Variants in SRA1 observed in about 807,000 individuals in gnomAD.
SRA1 encodes the protein steroid receptor RNA activator 1, also known as lncRNA SRA.
In SRA1, 25 loss-of-function variants were observed where a neutral mutation model predicts 24.3. That is an observed-to-expected ratio of 1.03 (90% CI 0.75 to 1.43). The LOEUF (loss-of-function observed/expected upper bound fraction) is 1.43, where lower values mean the gene tolerates loss of function less well. Ranked by LOEUF, SRA1 falls within the 40% of genes most tolerant of loss-of-function variation. The pLI is 0.00. For synonymous variants in SRA1, 104 were observed against 109.5 expected (o/e 0.95, Z 0.31); for missense variants, 303 against 286.6 (o/e 1.06, Z -0.41).
chr5:140,552,470 T>A (rs977563957), intron 2 of SRA1, among the ~76,000 whole-genome samples: 1 of 151,920 alleles, frequency 6.6e-6, no homozygotes, highest in Non-Finnish European at 1.5e-5. Flanking sequence ...CTGGCCAACA[T>A]GGCAAAACCC....
intron 2 of SRA1, among the ~76,000 whole-genome samples, chr5:140,554,507 A>G (rs1754640573): frequency 6.6e-6 from 1 of 152,112 alleles, no homozygotes; most frequent in African/African-American, 2.4e-5. Context: ...AATAGATGAA[A>G]AGGTTCCTGC....
intron 3 of SRA1, chr5:140,551,572 T>G (rs979467319): frequency 4.8e-6 from 1 of 207,980 alleles, no homozygotes; most frequent in Non-Finnish European, 9.6e-6. Flanking sequence ...TTTCCCTTTC[T>G]TTTAAGACAT....
Position 140,550,641 on chromosome 5 carries a change from G to C in SRA1, c.*59C>G, listed in dbSNP as rs560592761. 1.3e-6 allele frequency: 2 copies of C among 1,548,126 alleles called. No homozygotes were observed. The highest frequency in any genetic ancestry group is 1.8e-6 in the Non-Finnish European group (2 of 1,121,042). On this transcript the variant is annotated 3_prime_UTR_variant, in exon 5 of 5. Transcript: ENST00000336283. ...TTGGTGGTGGTAAGAAGGGAGCCAAGTGACAGAAGGTCTCCAAGGCATAGG... is the reference window on the plus strand; with the variant it reads ...TTGGTGGTGGTAAGAAGGGAGCCAACTGACAGAAGGTCTCCAAGGCATAGG...
chr5:140,557,280 G>A lies in SRA1; in HGVS notation c.26-8C>T. 6.2e-7 allele frequency: 1 copy of A among 1,610,342 alleles called. No individual in the cohort carries two copies. Among genetic ancestry groups the A allele is most frequent in the Non-Finnish European group, 8.5e-7 (1 of 1,179,918 alleles). On this transcript the variant is annotated splice_polypyrimidine_tract_variant and splice_region_variant and intron_variant, in intron 1 of 4. Coordinates refer to ENST00000336283, the MANE Select transcript of SRA1 (RefSeq NM_001035235.4). ...AGCCGCGTTCCTTGTTGCCTGCGGA[G>A]GCGAGGGATGTGTGAAGCGAGCCCG...
At chr5:140,554,547 C>T (rs943244391) in intron 2 of SRA1, among the ~76,000 whole-genome samples, 4 of 152,112 alleles carry the variant, frequency 2.6e-5, no homozygotes, top group Non-Finnish European at 5.9e-5. Context: ...ACCAGCTGTA[C>T]TCTGCATCCT....
At position 140,552,187 on chromosome 5, in the gene SRA1, G is replaced by T. The variant is rs767184789; in HGVS notation, c.152-3C>A. The T allele has an allele frequency of 6.5e-7, 1 of 1,546,634 alleles. No homozygotes were observed. The highest frequency in any genetic ancestry group is 2.4e-5 in the East Asian group (1 of 41,728). ...AGGAGAAGTCTCTGATGCGGGGACT[G>T]AAAAGGTACAGCAGGATCAAGCAAC... On this transcript the variant is annotated splice_region_variant and splice_polypyrimidine_tract_variant and intron_variant, in intron 2 of 4. Coordinates refer to ENST00000336283, the MANE Select transcript of SRA1 (RefSeq NM_001035235.4).
intron 2 of SRA1, among the ~76,000 whole-genome samples, chr5:140,556,019 A>G (rs1177096557): frequency 6.6e-6 from 1 of 152,252 alleles, no homozygotes; most frequent in East Asian, 1.9e-4. Context: ...CTGGTTCTCA[A>G]GCTAGGAAGA....
intron 3 of SRA1, chr5:140,551,464 A>G (rs1336932340): frequency 9.5e-6 from 3 of 317,006 alleles, no homozygotes; most frequent in African/African-American, 2.1e-5. Flanking sequence ...CTAGAATTCT[A>G]AAATTTCAGG....
rs754814000 is a variant in SRA1 at position 140,552,040 on chromosome 5, A to G, written c.296T>C (p.Met99Thr). The change falls in exon 3 of 5, where the codon ATG becomes ACG. Residue 99 changes from methionine to threonine, a missense_variant. By Grantham distance (81) the Met-to-Thr change is moderately conservative (BLOSUM62 -1). Transcript: ENST00000336283. Reference protein sequence around the residue: ...TSFPVESEAVMEDVLRPLEQA... With the variant: ...TSFPVESEAVTEDVLRPLEQA... ...TTCCAAAGGTCTCAGCACATCCTCC[A>G]TCACAGCCTCAGACTCGACTGGGAA... 1 of 1,586,850 alleles carries G rather than the reference A, an allele frequency of 6.3e-7. No individual in the cohort carries two copies. Among genetic ancestry groups the G allele is most frequent in the South Asian group, 1.1e-5 (1 of 89,778 alleles).
Position 140,550,586 on chromosome 5 carries a change from C to T in SRA1, c.*114G>A, listed in dbSNP as rs955012821. 7.3e-6 allele frequency: 7 copies of T among 958,846 alleles called. No individual in the cohort carries two copies. The African/African-American group carries it at 1.1e-4, about 16-fold the overall frequency. 59.4% of individuals were successfully genotyped at this position (958,846 alleles called of 1,614,324 possible). ...CTGGCCCAGGTGGGACTTCTTCCCTCATAGGTGGGTCAGGCCCAGTGGGAC... is the reference window on the plus strand; with the variant it reads ...CTGGCCCAGGTGGGACTTCTTCCCTTATAGGTGGGTCAGGCCCAGTGGGAC... On this transcript the variant is annotated 3_prime_UTR_variant, in exon 5 of 5. Transcript: ENST00000336283.
chr5:140,557,532 G>T (rs747471401), upstream of SRA1: 86 of 1,484,880 alleles, frequency 5.8e-5, no homozygotes, highest in Middle Eastern at 9.4e-4. Flanking sequence ...ACACGTCCAG[G>T]GCCAGGCGGG....
At chr5:140,555,112 C>T (rs974689706) in intron 2 of SRA1, among the ~76,000 whole-genome samples, 7 of 152,154 alleles carry the variant, frequency 4.6e-5, no homozygotes, top group African/African-American at 1.4e-4. Context: ...CTCCTGACCT[C>T]GTGATCCACC....
rs201146083 is a variant in SRA1, at chr5:140,550,811, T to C, written c.564A>G (p.Arg188=). The C allele has an allele frequency of 4.2e-5, 67 of 1,614,032 alleles. No homozygotes were observed. Among genetic ancestry groups the C allele is most frequent in the Non-Finnish European group, 3.6e-5 (42 of 1,180,026 alleles). The change falls in exon 5 of 5, where the codon AGA becomes AGG. Residue 188 remains arginine, a synonymous_variant. Coordinates refer to ENST00000336283, the MANE Select transcript of SRA1 (RefSeq NM_001035235.4). ...EVSQWMVGVK[R]LIAEKRSLFS... is the part of the protein sequence containing the mutation. Reference sequence around the variant, plus strand: ...ACAGACTCCTCTTTTCTGCAATTAATCTTTTAACTCCTACCATCCACTGAC... The same window carrying C: ...ACAGACTCCTCTTTTCTGCAATTAACCTTTTAACTCCTACCATCCACTGAC...
intron 2 of SRA1, among the ~76,000 whole-genome samples, chr5:140,555,232 C>T (rs1253987357): frequency 2.0e-5 from 3 of 151,214 alleles, no homozygotes; most frequent in African/African-American, 7.3e-5. Flanking sequence ...CATGTCTTTA[C>T]GCTCTCCTAT....
chr5:140,557,674 A>G, upstream of SRA1: 1 of 604,304 alleles, frequency 1.7e-6, no homozygotes, highest in South Asian at 2.0e-5. Flanking sequence ...AAGGCACCAA[A>G]GGAGGTTGCT....
At chr5:140,552,554 G>A (rs1754595467) in intron 2 of SRA1, among the ~76,000 whole-genome samples, 1 of 152,072 alleles carries the variant, frequency 6.6e-6, no homozygotes, top group African/African-American at 2.4e-5. Flanking sequence ...TCAGGAGGCT[G>A]AGGCAGGAGA....
In SRA1 at chr5:140,555,088, AG is replaced by A. The variant is rs1467285798; in HGVS notation, c.151+2058del. Among the ~76,000 whole-genome samples the A allele has an allele frequency of 2.6e-5, 4 of 152,092 alleles. No homozygotes were observed. The East Asian group carries it at 5.8e-4, about 22-fold the overall frequency. ...GAGACAGGGTTTTACCACGTTGGCC[AG>A]GCTGGTCTTGAACTCCTGACCTCGT... On this transcript the variant is annotated intron_variant, in intron 2 of 4. Coordinates refer to ENST00000336283, the MANE Select transcript of SRA1 (RefSeq NM_001035235.4).
At chr5:140,550,998 G>A in intron 4 of SRA1, 63 bp downstream of exon 4, 4 of 1,575,438 alleles carry the variant, frequency 2.5e-6, no homozygotes, top group African/African-American at 1.3e-5. Context: ...CTCAGCACCT[G>A]CTCCAGCATA....
At chr5:140,553,223 C>A (rs1398587320) in intron 2 of SRA1, among the ~76,000 whole-genome samples, 1 of 152,002 alleles carries the variant, frequency 6.6e-6, no homozygotes, top group African/African-American at 2.4e-5. Context: ...TGCCTCTAAT[C>A]CCAGCACACT....
Sources: allele counts gnomAD v4.1 joint callset (sites outside exome capture counted in the v4.1 genomes callset), GRCh38; gene constraint gnomAD v4.1.1; transcripts MANE v1.5; gene names NCBI Gene and HGNC (gene_info 2026-07-23, HGNC 2026-07-21).